The following HSD17B12 variants were observed in gnomAD, a reference collection of about 807,000 sequenced individuals.
HSD17B12 encodes the protein very-long-chain 3-oxoacyl-CoA reductase.
A neutral mutation model predicts 39.3 loss-of-function variants in HSD17B12; 32 were observed. The ratio of observed to expected loss-of-function variants is 0.81; its 90% CI spans 0.61 to 1.09. The LOEUF (loss-of-function observed/expected upper bound fraction) is 1.09, where lower values mean the gene tolerates loss of function less well. Among genes scored for constraint, HSD17B12 ranks in the 50% least tolerant of loss-of-function variants. The probability of loss-of-function intolerance (pLI) is 0.00; values close to 1 mark genes in which losing one functional copy is unlikely to be tolerated. For synonymous variants in HSD17B12, 150 were observed against 146.7 expected, an observed-to-expected ratio of 1.02 and a Z score of -0.16; for missense variants, 342 against 382.9, an observed-to-expected ratio of 0.89 and a Z score of 0.89.
chr11:43,695,451 G>A lies in HSD17B12; in HGVS notation c.160+14464G>A, dbSNP rs553897474. On this transcript the variant is annotated intron_variant, in intron 1 of 10. Transcript: ENST00000278353. Reference sequence around the variant, plus strand: ...AAATTAGCTGGGCGTGGTGGTGCACGCCTGTAATCCCAGCTACTTGGGAGG... The same window carrying A: ...AAATTAGCTGGGCGTGGTGGTGCACACCTGTAATCCCAGCTACTTGGGAGG... Among the ~76,000 whole-genome samples, 8 of 152,208 alleles carry A rather than the reference G, an allele frequency of 5.3e-5. No homozygotes were observed. The Middle Eastern group carries it at 0.01, about 194-fold the overall frequency.
intron 4 of HSD17B12, among the ~76,000 whole-genome samples, chr11:43,811,146 G>T (rs535973456): frequency 6.6e-6 from 1 of 152,210 alleles, no homozygotes; most frequent in Admixed American, 6.5e-5. Context: ...CTGCTGTTAG[G>T]TTATTGCTGC....
rs1429635091 is a variant in HSD17B12 at position 43,714,249 on chromosome 11, A to G, written c.160+33262A>G. Among the ~76,000 whole-genome samples, 7 of 152,190 alleles carry G rather than the reference A, an allele frequency of 4.6e-5. 1 individual carries two copies. The highest frequency in any genetic ancestry group is 6.8e-3 in the Middle Eastern group (2 of 294). ...CTAGGTTTTCTTCTAGGGTTTTTAT[A>G]GTTTTAGGTCTAACATTTAAGTCTT... On this transcript the variant is annotated intron_variant, in intron 1 of 10. Coordinates refer to ENST00000278353, the MANE Select transcript of HSD17B12 (RefSeq NM_016142.3).
the HSD17B12 span, among the ~76,000 whole-genome samples, chr11:43,564,132 C>A: frequency 1.3e-5 from 2 of 152,146 alleles, no homozygotes; most frequent in African/African-American, 4.8e-5. Flanking sequence ...CAAGTGTGCA[C>A]CACCGTGCCT....
At chr11:43,810,368 TA>T (rs774046055) in intron 4 of HSD17B12, among the ~76,000 whole-genome samples, 53,379 of 89,166 alleles carry the variant, frequency 0.6, 10,902 homozygotes, top group East Asian at 0.75. Context: ...ATTTAGAAAT[TA>T]TATATATATA....
chr11:43,734,230 C>A, intron 1 of HSD17B12: 1 of 1,492,076 alleles, frequency 6.7e-7, no homozygotes, highest in East Asian at 2.3e-5. Flanking sequence ...GAGCAGCCAC[C>A]TTTGGGTTCA....
chr11:43,582,440 A>G, the HSD17B12 span, among the ~76,000 whole-genome samples: 19 of 151,948 alleles, frequency 1.3e-4, no homozygotes, highest in Non-Finnish European at 1.0e-4. Context: ...GGCCTTCACC[A>G]CGCTCCCCGC....
intron 4 of HSD17B12, among the ~76,000 whole-genome samples, chr11:43,804,811 A>G (rs1215163305): frequency 6.6e-6 from 1 of 152,260 alleles, no homozygotes; most frequent in African/African-American, 2.4e-5. Flanking sequence ...AGTTAAGATC[A>G]GAGTAACTCT....
intron 1 of HSD17B12, among the ~76,000 whole-genome samples, chr11:43,702,734 A>G (rs554338190): frequency 2.6e-5 from 4 of 152,202 alleles, no homozygotes; most frequent in Non-Finnish European, 4.4e-5. Flanking sequence ...AATGGGCCAC[A>G]TGTGGCCCAG....
chr11:43,807,372 G>A (rs1356855707), intron 4 of HSD17B12, among the ~76,000 whole-genome samples: 1 of 152,146 alleles, frequency 6.6e-6, no homozygotes, highest in Non-Finnish European at 1.5e-5. Context: ...GTTTCCAGGT[G>A]GAGGAAACGG....
the HSD17B12 span, among the ~76,000 whole-genome samples, chr11:43,573,470 A>G: frequency 3.9e-5 from 6 of 152,154 alleles, no homozygotes; most frequent in Admixed American, 2.6e-4. Context: ...AGGGAGGAGC[A>G]AAGACATTGA....
At chr11:43,724,433 G>A (rs1950203301) in intron 1 of HSD17B12, among the ~76,000 whole-genome samples, 2 of 152,004 alleles carry the variant, frequency 1.3e-5, no homozygotes, top group South Asian at 4.2e-4. Context: ...AATTTGTTAG[G>A]AGACTGTTTT....
the HSD17B12 span, among the ~76,000 whole-genome samples, chr11:43,609,848 G>C: frequency 2.1e-4 from 32 of 152,248 alleles, no homozygotes; most frequent in African/African-American, 7.7e-4. Context: ...GTACTACATG[G>C]CTTCTATCAT....
intron 7 of HSD17B12, among the ~76,000 whole-genome samples, chr11:43,836,651 T>C (rs982607146): frequency 5.9e-5 from 9 of 152,248 alleles, no homozygotes; most frequent in Middle Eastern, 3.4e-3. Flanking sequence ...CCAAAAAAGA[T>C]AAAGATATTT....
chr11:43,819,697 A>G (rs1174141502), intron 6 of HSD17B12, among the ~76,000 whole-genome samples: 1 of 152,186 alleles, frequency 6.6e-6, no homozygotes, highest in Non-Finnish European at 1.5e-5. Context: ...AGTGGAGACA[A>G]ATGCTAATTT....
intron 7 of HSD17B12, chr11:43,833,904 G>T (rs538091984): frequency 6.6e-6 from 1 of 152,268 alleles, no homozygotes; most frequent in African/African-American, 2.4e-5. Context: ...CATTATAGAG[G>T]AAAGTTGCTC....
chr11:43,625,411 T>A, the HSD17B12 span, among the ~76,000 whole-genome samples: 1 of 151,648 alleles, frequency 6.6e-6, no homozygotes, highest in South Asian at 2.1e-4. Context: ...AATTTTTTTG[T>A]ATTTTCAGAA....
chr11:43,626,068 T>G, the HSD17B12 span, among the ~76,000 whole-genome samples: 1 of 151,602 alleles, frequency 6.6e-6, no homozygotes, highest in African/African-American at 2.4e-5. Context: ...AGCAATGAGT[T>G]ACTAAGATGG....
rs1950148606 is a variant in HSD17B12 at position 43,718,713 on chromosome 11, C to T, written c.161-32198C>T. ...GCAAAGAAGGAAGCTCCTGCCCCTC[C>T]TAAAGCTGAAGCCAAAGCAAAGGCT... On this transcript the variant is annotated intron_variant, in intron 1 of 10. Coordinates refer to ENST00000278353, the MANE Select transcript of HSD17B12 (RefSeq NM_016142.3). 66 of 1,158,638 alleles carry T rather than the reference C, an allele frequency of 5.7e-5. No individual in the cohort carries two copies. In the South Asian group the frequency reaches 7.6e-4, roughly 13 times the overall value. 71.8% of individuals were successfully genotyped at this position (1,158,638 alleles called of 1,614,324 possible).
At chr11:43,715,803 T>C (rs538389732) in intron 1 of HSD17B12, among the ~76,000 whole-genome samples, 1 of 152,162 alleles carries the variant, frequency 6.6e-6, no homozygotes, top group Non-Finnish European at 1.5e-5. Flanking sequence ...ACGAACTGAA[T>C]TTTTAATTTT....
Sources: allele counts gnomAD v4.1 joint callset (sites outside exome capture counted in the v4.1 genomes callset), GRCh38; gene constraint gnomAD v4.1.1; transcripts MANE v1.5; gene names NCBI Gene and HGNC (gene_info 2026-07-23, HGNC 2026-07-21).